The following FAT3 variants were observed in gnomAD, a reference collection of about 807,000 sequenced individuals.
The protein encoded by FAT3 is FAT atypical cadherin 3.
A neutral mutation model predicts 310.2 loss-of-function variants in FAT3; 95 were observed. That is an observed-to-expected ratio of 0.31 (90% CI 0.26 to 0.36). The LOEUF is 0.36. Ranked by LOEUF, FAT3 falls within the 10% of genes least tolerant of loss-of-function variation. The pLI, the probability that FAT3 is intolerant of heterozygous loss-of-function variation, is 1.00. For missense variants in FAT3, 5,408 were observed against 5,715.6 expected, an observed-to-expected ratio of 0.95 and a Z score of 1.74; for synonymous variants, 2,314 against 2,192.9, an observed-to-expected ratio of 1.06 and a Z score of -1.54.
At chr11:92,842,249 T>C (rs1948571966) in intron 18 of FAT3, among the ~76,000 whole-genome samples, 2 of 152,248 alleles carry the variant, frequency 1.3e-5, no homozygotes, top group South Asian at 4.1e-4. Context: ...CCCTGCAGGC[T>C]GAATTCTGCC....
At chr11:92,366,307 G>A (rs1031929781) in intron 2 of FAT3, among the ~76,000 whole-genome samples, 3 of 152,268 alleles carry the variant, frequency 2.0e-5, no homozygotes, top group African/African-American at 7.2e-5. Flanking sequence ...TTCTGACTAG[G>A]TTGTAAAGAG....
chr11:92,563,916 C>G (rs1444270961), intron 3 of FAT3, among the ~76,000 whole-genome samples: 1 of 151,972 alleles, frequency 6.6e-6, no homozygotes, highest in African/African-American at 2.4e-5. Context: ...CAACCGGTAC[C>G]AGCCGCTGCA....
chr11:92,885,551 A>C lies in FAT3; in HGVS notation c.12938-1449A>C, dbSNP rs76502746. On this transcript the variant is annotated intron_variant, in intron 24 of 27. Transcript: ENST00000525166. Reference sequence around the variant, plus strand: ...ATCTGCTGATTGTCTTTCTGTAGACACATGTATTTTAAGCAGTTGCCCTTG... The same window carrying C: ...ATCTGCTGATTGTCTTTCTGTAGACCCATGTATTTTAAGCAGTTGCCCTTG... Among the ~76,000 whole-genome samples, 111 of 152,284 alleles carry C rather than the reference A, an allele frequency of 7.3e-4. 1 individual carries two copies. The East Asian group carries it at 0.018, about 25-fold the overall frequency.
At chr11:92,605,717 A>ATT (rs1430434854) in intron 3 of FAT3, among the ~76,000 whole-genome samples, 34 of 89,564 alleles carry the variant, frequency 3.8e-4, no homozygotes, top group African/African-American at 1.7e-3. Flanking sequence ...TAAAATAGCT[A>ATT]TGTTTTTTTT....
chr11:92,485,084 G>A (rs1952337963), intron 2 of FAT3, among the ~76,000 whole-genome samples: 2 of 152,176 alleles, frequency 1.3e-5, no homozygotes, highest in Admixed American at 6.5e-5. Context: ...GGAAAAACAG[G>A]TCATTTTAAA....
intron 12 of FAT3, among the ~76,000 whole-genome samples, chr11:92,808,559 G>A (rs1947572798): frequency 6.6e-6 from 1 of 152,166 alleles, no homozygotes; most frequent in South Asian, 2.1e-4. Context: ...GTAGGAGAGG[G>A]AAATGATCCA....
At chr11:92,707,648 C>A (rs999789909) in intron 4 of FAT3, among the ~76,000 whole-genome samples, 3 of 152,184 alleles carry the variant, frequency 2.0e-5, no homozygotes, top group Non-Finnish European at 4.4e-5. Context: ...CCCCGTAGTG[C>A]AATGATGGTA....
chr11:92,592,674 A>C (rs928887574), intron 3 of FAT3, among the ~76,000 whole-genome samples: 1 of 152,150 alleles, frequency 6.6e-6, no homozygotes, highest in East Asian at 1.9e-4. Context: ...AAAACAAACT[A>C]TGTTTAAAAA....
chr11:92,263,635 GTGTA>G (rs2134313498), intron 1 of FAT3, among the ~76,000 whole-genome samples: 1 of 146,038 alleles, frequency 6.8e-6, no homozygotes, highest in African/African-American at 2.6e-5. Context: ...GTGTGTGTGT[GTGTA>G]TATATATATA....
chr11:92,832,015 G>T lies in FAT3; in HGVS notation c.9871+4G>T, dbSNP rs771163209. On this transcript the variant is annotated splice_donor_region_variant and intron_variant, in intron 14 of 27. Transcript: ENST00000525166. ...TTTAAGATCAACCCCAAGACAGGTGGGTAAATAGCACTGTACTTAGAATAC... is the reference window on the plus strand; with the variant it reads ...TTTAAGATCAACCCCAAGACAGGTGTGTAAATAGCACTGTACTTAGAATAC... 3 of 1,535,142 alleles carry T rather than the reference G, an allele frequency of 2.0e-6. No individual in the cohort carries two copies. The highest frequency in any genetic ancestry group is 2.4e-5 in the East Asian group (1 of 40,826).
chr11:92,470,835 C>T (rs1392108685), intron 2 of FAT3, among the ~76,000 whole-genome samples: 1 of 152,040 alleles, frequency 6.6e-6, no homozygotes, highest in Non-Finnish European at 1.5e-5. Flanking sequence ...AAGAGTCATC[C>T]CATTATTTTT....
chr11:92,819,042 C>T (rs1479859318), intron 13 of FAT3, among the ~76,000 whole-genome samples: 2 of 152,218 alleles, frequency 1.3e-5, no homozygotes, highest in Non-Finnish European at 2.9e-5. Flanking sequence ...ACATTATTCC[C>T]ATTTCTCATA....
At chr11:92,810,521 C>T (rs1474372896) in intron 13 of FAT3, among the ~76,000 whole-genome samples, 1 of 152,182 alleles carries the variant, frequency 6.6e-6, no homozygotes. Context: ...ATGACAATCT[C>T]GATTTAATAT....
intron 2 of FAT3, among the ~76,000 whole-genome samples, chr11:92,396,365 T>A (rs1949868335): frequency 6.6e-6 from 1 of 152,158 alleles, no homozygotes; most frequent in South Asian, 2.1e-4. Flanking sequence ...CCTGGCTGCC[T>A]TTTTGTCTCA....
intron 3 of FAT3, among the ~76,000 whole-genome samples, chr11:92,674,762 C>G (rs1336065642): frequency 1.3e-5 from 2 of 152,112 alleles, no homozygotes; most frequent in Non-Finnish European, 2.9e-5. Context: ...CTCCCATGCT[C>G]AAGCGATCTT....
At chr11:92,724,544 C>G (rs570047273) in intron 4 of FAT3, among the ~76,000 whole-genome samples, 1 of 152,292 alleles carries the variant, frequency 6.6e-6, no homozygotes, top group South Asian at 2.1e-4. Flanking sequence ...GACCTCCATC[C>G]AAGTCACTTC....
At chr11:92,857,148 A>G in intron 19 of FAT3, 66 bp from the exon 20 acceptor site, 4 of 1,610,758 alleles carry the variant, frequency 2.5e-6, no homozygotes, top group Non-Finnish European at 3.4e-6. Context: ...AACCTTTTCT[A>G]TCTTCCCTGG....
intron 17 of FAT3, among the ~76,000 whole-genome samples, chr11:92,838,492 C>G (rs919709234): frequency 2.6e-5 from 4 of 152,154 alleles, no homozygotes; most frequent in Admixed American, 2.0e-4. Flanking sequence ...ACTGAGCGTC[C>G]TCTACTTCTC....
intron 1 of FAT3, among the ~76,000 whole-genome samples, chr11:92,346,720 G>A (rs1948431808): frequency 1.3e-5 from 2 of 152,120 alleles, no homozygotes; most frequent in Non-Finnish European, 2.9e-5. Flanking sequence ...ATTTAATGAA[G>A]CTTTCAATAT....
Sources: allele counts gnomAD v4.1 joint callset (sites outside exome capture counted in the v4.1 genomes callset), GRCh38; gene constraint gnomAD v4.1.1; transcripts MANE v1.5; gene names NCBI Gene and HGNC (gene_info 2026-07-23, HGNC 2026-07-21).